ZNF236: variants seen among roughly 807,000 people sequenced by gnomAD.
The protein encoded by ZNF236 is zinc finger protein 236, also known as regulated by glucose.
ZNF236 carries 50 observed loss-of-function variants against 191.2 expected under a neutral mutation model. That is an observed-to-expected ratio of 0.26 (90% CI 0.21 to 0.33). The LOEUF (loss-of-function observed/expected upper bound fraction) is 0.33. Among genes scored for constraint, ZNF236 ranks in the 10% least tolerant of loss-of-function variants. The probability of loss-of-function intolerance (pLI) is 1.00; values close to 1 mark genes in which losing one functional copy is unlikely to be tolerated. For missense variants in ZNF236, 1,754 were observed against 2,374.5 expected, an observed-to-expected ratio of 0.74 and a Z score of 5.43; for synonymous variants, 907 against 928.8, an observed-to-expected ratio of 0.98 and a Z score of 0.43.
At chr18:76,872,231 A>G (rs1242031900) in intron 5 of ZNF236, among the ~76,000 whole-genome samples, 4 of 152,248 alleles carry the variant, frequency 2.6e-5, no homozygotes, top group African/African-American at 9.6e-5. Flanking sequence ...CCATAATCCC[A>G]GCACTTTGGG....
chr18:76,851,967 T>TGTTA, intron 3 of ZNF236, 28 bp downstream of exon 3: 1 of 1,573,440 alleles, frequency 6.4e-7, no homozygotes, highest in Non-Finnish European at 8.6e-7. Context: ...GCATATACTT[T>TGTTA]GTTAACTGAT....
intron 1 of ZNF236, among the ~76,000 whole-genome samples, chr18:76,839,208 G>A (rs1249893441): frequency 6.6e-6 from 1 of 152,186 alleles, no homozygotes; most frequent in East Asian, 1.9e-4. Flanking sequence ...GCGTTTGGGT[G>A]CACATACGTA....
intron 9 of ZNF236, chr18:76,888,447 C>T (rs986467945): frequency 2.6e-5 from 4 of 152,362 alleles, no homozygotes; most frequent in African/African-American, 7.2e-5. Flanking sequence ...TGTTGTATTT[C>T]ACGTGAAGGT....
intron 30 of ZNF236, 152 bp from the exon 31 acceptor site, chr18:76,968,063 C>T: frequency 1.0e-6 from 1 of 959,754 alleles, no homozygotes; most frequent in South Asian, 1.5e-5. Context: ...GTTTCACCTG[C>T]AGCTCAAATT....
At chr18:76,918,081 T>C (rs1407585248) in intron 19 of ZNF236, among the ~76,000 whole-genome samples, 1 of 152,206 alleles carries the variant, frequency 6.6e-6, no homozygotes, top group Non-Finnish European at 1.5e-5. Flanking sequence ...ACTGTCCACT[T>C]TGCAATTTAG....
At chr18:76,839,644 G>C (rs770331608) in intron 1 of ZNF236, among the ~76,000 whole-genome samples, 1 of 152,046 alleles carries the variant, frequency 6.6e-6, no homozygotes, top group Non-Finnish European at 1.5e-5. Context: ...ATTTATCAGT[G>C]TCTTCCCAGT....
At chr18:76,950,318 A>G (rs1968372848) in intron 27 of ZNF236, among the ~76,000 whole-genome samples, 1 of 152,214 alleles carries the variant, frequency 6.6e-6, no homozygotes, top group Non-Finnish European at 1.5e-5. Context: ...GTAATCTTTT[A>G]AATCTTTTGT....
At chr18:76,851,201 AAGCATGCAT>A (rs1266210266) in intron 2 of ZNF236, among the ~76,000 whole-genome samples, 1 of 151,290 alleles carries the variant, frequency 6.6e-6, no homozygotes, top group Non-Finnish European at 1.5e-5. Flanking sequence ...CGGCAAATGT[AAGCATGCAT>A]ACTTAGACGT....
chr18:76,959,746 TAAA>T lies in ZNF236; in HGVS notation c.5173_5175del (p.Lys1725del). On this transcript the variant is annotated inframe_deletion, in exon 29 of 31. Coordinates refer to ENST00000320610, the MANE Select transcript of ZNF236 (RefSeq NM_001306089.2). ...TGAGCTCCCAGAAGCCAAGAGTGTT[TAAA>T]TGTGACACTTGTGAGAAGGCATTTG... 1 of 1,614,090 alleles carries T rather than the reference TAAA, an allele frequency of 6.2e-7. No individual in the cohort carries two copies. The highest frequency in any genetic ancestry group is 8.5e-7 in the Non-Finnish European group (1 of 1,179,984).
chr18:76,937,371 AGGTCCTTTC>A, intron 26 of ZNF236, 28 bp downstream of exon 26: 1 of 1,532,034 alleles, frequency 6.5e-7, no homozygotes, highest in Admixed American at 1.8e-5. Flanking sequence ...AGGGATGCGA[AGGTCCTTTC>A]AAAAAGTGAT....
At chr18:76,874,683 C>G (rs1000778687) in intron 5 of ZNF236, among the ~76,000 whole-genome samples, 1 of 152,098 alleles carries the variant, frequency 6.6e-6, no homozygotes, top group African/African-American at 2.4e-5. Flanking sequence ...AGTGTAAAGA[C>G]GATTTTGAGC....
chr18:76,968,377 GT>G lies in ZNF236; in HGVS notation c.*40del, dbSNP rs1968837099. On this transcript the variant is annotated 3_prime_UTR_variant, in exon 31 of 31. Transcript: ENST00000320610. Reference sequence around the variant, plus strand: ...GTACACCTTTAAGAATGTTTCTGAAGTTACGTTTTGTGAAGAGCAAAGCACT... The same window carrying G: ...GTACACCTTTAAGAATGTTTCTGAAGTACGTTTTGTGAAGAGCAAAGCACT... The G allele has an allele frequency of 1.3e-6, 2 of 1,581,616 alleles. No individual in the cohort carries two copies. Among genetic ancestry groups the G allele is most frequent in the South Asian group, 2.3e-5 (2 of 85,144 alleles).
chr18:76,827,151 C>G (rs1975041951), intron 1 of ZNF236, among the ~76,000 whole-genome samples: 1 of 152,072 alleles, frequency 6.6e-6, no homozygotes, highest in Non-Finnish European at 1.5e-5. Flanking sequence ...CCACCTCGCC[C>G]TCCCAAAGTG....
At chr18:76,827,931 T>A (rs1009828261) in intron 1 of ZNF236, among the ~76,000 whole-genome samples, 1 of 152,156 alleles carries the variant, frequency 6.6e-6, no homozygotes, top group Non-Finnish European at 1.5e-5. Context: ...AGTGCAAAAT[T>A]TTTCTTTTTA....
chr18:76,971,041 A>G lies in ZNF236; in HGVS notation c.*2702A>G, dbSNP rs1968901712. On this transcript the variant is annotated 3_prime_UTR_variant, in exon 31 of 31. Coordinates refer to ENST00000320610, the MANE Select transcript of ZNF236 (RefSeq NM_001306089.2). ...ATTGAGGAACCTTTTGAAAGTTCCT[A>G]AGTGTTTTGATCCTGCTTGTGTGCT... 6.6e-6 allele frequency among the ~76,000 whole-genome samples: 1 copy of G among 152,236 alleles called. No homozygotes were observed. The highest frequency in any genetic ancestry group is 6.5e-5 in the Admixed American group (1 of 15,292).
chr18:76,961,332 T>G (rs1371356866), intron 30 of ZNF236, among the ~76,000 whole-genome samples: 1 of 151,976 alleles, frequency 6.6e-6, no homozygotes, highest in Non-Finnish European at 1.5e-5. Flanking sequence ...CAGATGCTAT[T>G]AATTCATTCC....
Position 76,960,933 on chromosome 18 carries a change from T to A in ZNF236, c.5419+78T>A. The stretch of plus-strand genomic sequence containing the variant: ...CTGTGTTTCGCATACATTGTTTCCT[T>A]TAGTTCACACAGTGATTTTGCATTG... On this transcript the variant is annotated intron_variant, in intron 30 of 30. Transcript: ENST00000320610. This position sits in a 1 kb window ranked among gnomAD's most constrained non-coding sequence, Gnocchi z 4.4. The A allele has an allele frequency of 6.9e-7, 1 of 1,454,106 alleles. No individual in the cohort carries two copies. Among genetic ancestry groups the A allele is most frequent in the Non-Finnish European group, 9.2e-7 (1 of 1,089,340 alleles). The allele number at this position is 1,454,106 out of a possible 1,614,324, so 90.1% of individuals were successfully genotyped here.
At chr18:76,850,899 C>T (rs530544920) in intron 2 of ZNF236, among the ~76,000 whole-genome samples, 62 of 151,510 alleles carry the variant, frequency 4.1e-4, no homozygotes, top group African/African-American at 7.5e-4. Context: ...CCACCACCCC[C>T]GGCCTGCTTG....
At chr18:76,878,961 T>C (rs1976793104) in intron 7 of ZNF236, among the ~76,000 whole-genome samples, 1 of 152,204 alleles carries the variant, frequency 6.6e-6, no homozygotes, top group South Asian at 2.1e-4. Context: ...ATATTTGCAG[T>C]GTGGGATGGT....
Sources: gnomAD v4.1 joint callset for allele counts (sites outside exome capture counted in the v4.1 genomes callset) on GRCh38, gnomAD v4.1.1 for gene constraint, Gnocchi (gnomAD v3.1) non-coding constraint, MANE v1.5 for transcripts, NCBI Gene and HGNC (gene_info 2026-07-23, HGNC 2026-07-21) for gene names.